CUL1: variants seen among roughly 807,000 people sequenced by gnomAD.
CUL1 encodes cullin 1.
In CUL1, 24 loss-of-function variants were observed where a neutral mutation model predicts 118.0. That is an observed-to-expected ratio of 0.20 (90% CI 0.15 to 0.29). The LOEUF is 0.29. Among genes scored for constraint, CUL1 ranks in the 10% least tolerant of loss-of-function variants. CUL1 has a pLI of 1.00. For synonymous variants in CUL1, 332 were observed against 340.4 expected (o/e 0.98, Z 0.27); for missense variants, 361 against 933.8 (o/e 0.39, Z 7.99).
chr7:148,725,219 G>GCGCACGCACACACACA, intron 1 of CUL1, among the ~76,000 whole-genome samples: 1 of 140,060 alleles, frequency 7.1e-6, no homozygotes. Context: ...ACACGCGCGC[G>GCGCACGCACACACACA]CTCACACACA....
intron 2 of CUL1, among the ~76,000 whole-genome samples, chr7:148,732,119 AC>A (rs1563153160): frequency 6.6e-6 from 1 of 152,142 alleles, no homozygotes; most frequent in East Asian, 1.9e-4. Context: ...TATGCCCCCA[AC>A]AGGGTTCTGG....
intron 13 of CUL1, among the ~76,000 whole-genome samples, chr7:148,788,121 C>A (rs1371442199): frequency 6.6e-6 from 1 of 152,156 alleles, no homozygotes; most frequent in Non-Finnish European, 1.5e-5. Context: ...ACATCTCTTA[C>A]AAGCACACCA....
At position 148,796,974 on chromosome 7, in the gene CUL1, G is replaced by A. The variant is rs4726995; in HGVS notation, c.1900-838G>A. ...TTATGACGACAGGACTCCACTGCCC[G>A]TGGGTTGTAAGAGTCCGTGTGACTC... On this transcript the variant is annotated intron_variant, in intron 17 of 21. Transcript: ENST00000325222. Among the ~76,000 whole-genome samples, 514 of 152,262 alleles carry A rather than the reference G, an allele frequency of 3.4e-3. 3 individuals are homozygous for A. The highest frequency in any genetic ancestry group is 6.0e-3 in the Non-Finnish European group (405 of 68,022).
intron 3 of CUL1, among the ~76,000 whole-genome samples, chr7:148,756,423 C>T (rs1799659387): frequency 6.6e-6 from 1 of 152,046 alleles, no homozygotes; most frequent in African/African-American, 2.4e-5. Flanking sequence ...GCAACCTCCG[C>T]CTCCTGGGTT....
intron 9 of CUL1, among the ~76,000 whole-genome samples, chr7:148,778,931 G>A (rs188210143): frequency 1.1e-3 from 162 of 152,298 alleles, no homozygotes; most frequent in African/African-American, 3.8e-3. Flanking sequence ...TTCCTCTTTA[G>A]CAATATTCTT....
At chr7:148,799,109 A>G (rs1047486528) in intron 20 of CUL1, among the ~76,000 whole-genome samples, 166 bp from the exon 21 acceptor site, 9 of 152,178 alleles carry the variant, frequency 5.9e-5, no homozygotes, top group African/African-American at 2.2e-4. Context: ...ATAGGCAGGT[A>G]GAATTGGTTC....
chr7:148,704,620 C>T (rs1797826393), intron 1 of CUL1, among the ~76,000 whole-genome samples: 1 of 151,988 alleles, frequency 6.6e-6, no homozygotes, highest in Admixed American at 6.6e-5. Flanking sequence ...CTTTAACTTC[C>T]ATAATACTGT....
intron 9 of CUL1, among the ~76,000 whole-genome samples, chr7:148,770,856 T>G (rs1207220966): frequency 6.6e-6 from 1 of 152,228 alleles, no homozygotes; most frequent in Non-Finnish European, 1.5e-5. Flanking sequence ...AAAGACACAT[T>G]GTAACCCAAC....
chr7:148,769,445 AC>A (rs1563164264), intron 9 of CUL1, among the ~76,000 whole-genome samples: 7 of 143,946 alleles, frequency 4.9e-5, no homozygotes, highest in South Asian at 2.2e-4. Context: ...ACACACACAC[AC>A]ACAAAACGCT....
Position 148,730,079 on chromosome 7 carries a change from G to A in CUL1, c.-44G>A. 6.3e-7 allele frequency: 1 copy of A among 1,584,970 alleles called. No individual in the cohort carries two copies. Among genetic ancestry groups the A allele is most frequent in the Non-Finnish European group, 8.6e-7 (1 of 1,165,276 alleles). The stretch of plus-strand genomic sequence containing the variant: ...TCTAATGGAGAACTAGCTGTACTTT[G>A]AATAAGGATTGCTGCACTGGACGAC... On this transcript the variant is annotated 5_prime_UTR_variant, in exon 2 of 22. Coordinates refer to ENST00000325222, the MANE Select transcript of CUL1 (RefSeq NM_003592.3).
chr7:148,766,496 T>C (rs1054317412), intron 7 of CUL1, 65 bp from the exon 8 acceptor site: 1 of 1,319,146 alleles, frequency 7.6e-7, no homozygotes, highest in African/African-American at 1.5e-5. Flanking sequence ...AATTTACATA[T>C]TAAAGAATTG....
At chr7:148,709,530 CTA>C (rs1455326193) in intron 1 of CUL1, among the ~76,000 whole-genome samples, 11 of 152,130 alleles carry the variant, frequency 7.2e-5, no homozygotes, top group Admixed American at 6.5e-5. Context: ...AAAATATTAA[CTA>C]TGTTTTCAAC....
chr7:148,797,470 A>G (rs890426341), intron 17 of CUL1, among the ~76,000 whole-genome samples: 3 of 152,038 alleles, frequency 2.0e-5, no homozygotes, highest in African/African-American at 7.2e-5. Context: ...GAATCTGTAA[A>G]TCCAGTGCAG....
rs780985256 is a variant in CUL1, at chr7:148,783,960, G to A, written c.1192-11G>A. 10 of 1,613,936 alleles carry A rather than the reference G, an allele frequency of 6.2e-6. No individual in the cohort carries two copies. In the East Asian group the frequency reaches 8.9e-5, roughly 14 times the overall value. ...GGGCGTTTGTCTCTAACTATATTCC[G>A]TGTAACGCAGGCTTGTGGTCGCTTC... On this transcript the variant is annotated splice_polypyrimidine_tract_variant and intron_variant, in intron 10 of 21. Coordinates refer to ENST00000325222, the MANE Select transcript of CUL1 (RefSeq NM_003592.3).
At chr7:148,772,439 C>G (rs774050242) in intron 9 of CUL1, among the ~76,000 whole-genome samples, 5 of 151,836 alleles carry the variant, frequency 3.3e-5, no homozygotes, top group Non-Finnish European at 2.9e-5. Context: ...AAAAAAAACC[C>G]ACACATTCAG....
At chr7:148,745,471 TTC>T (rs1445747749) in intron 2 of CUL1, among the ~76,000 whole-genome samples, 1 of 152,218 alleles carries the variant, frequency 6.6e-6, no homozygotes, top group African/African-American at 2.4e-5. Context: ...CTTTTGGTGG[TTC>T]TCTGGTGCCT....
Position 148,788,875 on chromosome 7 carries a change from G to C in CUL1, c.1597+201G>C, listed in dbSNP as rs1349122886. 3.3e-5 allele frequency among the ~76,000 whole-genome samples: 5 copies of C among 152,202 alleles called. No homozygotes were observed. In the East Asian group the frequency reaches 9.6e-4, roughly 29 times the overall value. ...AGGAGATGACAACCCTTGAAGTGGT[G>C]TCAGCTCTACTGGGGCAAGGTCACC... is the stretch of plus-strand genomic sequence containing the variant. On this transcript the variant is annotated intron_variant, in intron 14 of 21. Coordinates refer to ENST00000325222, the MANE Select transcript of CUL1 (RefSeq NM_003592.3).
At chr7:148,783,355 C>T (rs1584814826) in intron 9 of CUL1, 1 of 985,202 alleles carries the variant, frequency 1.0e-6, no homozygotes, top group African/African-American at 1.7e-5. Context: ...CCCTGAGCCC[C>T]GCTTTCCCTC....
At chr7:148,781,109 T>C (rs113817468) in intron 9 of CUL1, among the ~76,000 whole-genome samples, 7,278 of 106,716 alleles carry the variant, frequency 0.068, 266 homozygotes, top group Admixed American at 0.13. Flanking sequence ...TTTGACAGAG[T>C]CTCGCACCGT....
Sources: gnomAD v4.1 joint callset for allele counts (sites outside exome capture counted in the v4.1 genomes callset) on GRCh38, gnomAD v4.1.1 for gene constraint, MANE v1.5 for transcripts, NCBI Gene and HGNC (gene_info 2026-07-23, HGNC 2026-07-21) for gene names.